Variants in KAZN observed in about 807,000 individuals in gnomAD.
The protein encoded by KAZN is kazrin.
KAZN carries 40 observed loss-of-function variants against 87.4 expected under a neutral mutation model. The ratio of observed to expected loss-of-function variants is 0.46; its 90% CI spans 0.36 to 0.60. The LOEUF (loss-of-function observed/expected upper bound fraction) is 0.60. KAZN is among the 20% of genes least tolerant of loss of function. The probability of loss-of-function intolerance (pLI) is 0.00; values close to 1 mark genes in which losing one functional copy is unlikely to be tolerated. For missense variants in KAZN, 898 were observed against 1,073.9 expected (o/e 0.84, Z 2.29); for synonymous variants, 466 against 458.3 (o/e 1.02, Z -0.22).
intron 1 of KAZN, among the ~76,000 whole-genome samples, chr1:14,928,527 A>C (rs1434593374): frequency 1.3e-5 from 2 of 152,194 alleles, no homozygotes; most frequent in Non-Finnish European, 2.9e-5. Flanking sequence ...TCCTTAAAAA[A>C]AAAGTTTGTC....
intron 2 of KAZN, among the ~76,000 whole-genome samples, chr1:14,399,110 C>T (rs1052501921): frequency 4.6e-5 from 7 of 152,130 alleles, no homozygotes; most frequent in Admixed American, 6.5e-5. Flanking sequence ...ACTGCAGCCT[C>T]GATCTCCTGA....
chr1:14,637,706 A>G (rs75226648), intron 1 of KAZN, among the ~76,000 whole-genome samples: 7,654 of 152,226 alleles, frequency 0.05, 243 homozygotes, highest in Middle Eastern at 0.071. Flanking sequence ...ACTGTCCTGC[A>G]TAAATATATG....
intron 2 of KAZN, among the ~76,000 whole-genome samples, chr1:14,356,991 C>T (rs1433500506): frequency 1.3e-5 from 2 of 152,118 alleles, no homozygotes; most frequent in African/African-American, 4.8e-5. Flanking sequence ...ATAGGGATAG[C>T]ATTGAATCTA....
At chr1:14,324,482 G>A (rs568906988) in intron 2 of KAZN, among the ~76,000 whole-genome samples, 1 of 152,298 alleles carries the variant, frequency 6.6e-6, no homozygotes, top group African/African-American at 2.4e-5. Flanking sequence ...CATCTGAAAT[G>A]ACTCCAGTAT....
chr1:14,271,713 C>G (rs970135973), intron 2 of KAZN, among the ~76,000 whole-genome samples: 1 of 152,174 alleles, frequency 6.6e-6, no homozygotes, highest in African/African-American at 2.4e-5. Context: ...AATCTTAATT[C>G]TAATTCTCAA....
intron 2 of KAZN, among the ~76,000 whole-genome samples, chr1:14,399,596 G>GGC: frequency 6.6e-6 from 1 of 152,164 alleles, no homozygotes; most frequent in East Asian, 1.9e-4. Context: ...GCGTGTACTG[G>GGC]GTTTAGTCAC....
intron 2 of KAZN, among the ~76,000 whole-genome samples, chr1:14,531,235 G>C (rs1482204349): frequency 6.6e-6 from 1 of 152,170 alleles, no homozygotes; most frequent in Admixed American, 6.5e-5. Flanking sequence ...AAACTTCTAT[G>C]AGCAGATCCA....
chr1:14,488,405 A>G (rs1454468484), intron 2 of KAZN, among the ~76,000 whole-genome samples: 1 of 152,188 alleles, frequency 6.6e-6, no homozygotes, highest in Admixed American at 6.5e-5. Flanking sequence ...ACTCTGTAGG[A>G]AAAATGAGTA....
At chr1:14,919,046 C>T (rs1025061124) in intron 1 of KAZN, among the ~76,000 whole-genome samples, 3 of 152,064 alleles carry the variant, frequency 2.0e-5, no homozygotes, top group Non-Finnish European at 4.4e-5. Flanking sequence ...AACATACCCA[C>T]GCAACTACCA....
In KAZN at chr1:14,511,179, C is replaced by T. The variant is rs181762000; in HGVS notation, c.250-87804C>T. ...TCATTTCCACTCACTCTGTTGGAAA[C>T]CAGAAATAGCAGACAGCTGAGACTC... On this transcript the variant is annotated intron_variant, in intron 2 of 16. Coordinates refer to the KAZN transcript ENST00000636203. Among the ~76,000 whole-genome samples the T allele has an allele frequency of 2.9e-4, 44 of 152,210 alleles. No individual in the cohort carries two copies. In the East Asian group the frequency reaches 7.7e-3, roughly 27 times the overall value.
chr1:14,380,975 TGA>T (rs1478252163), intron 2 of KAZN, among the ~76,000 whole-genome samples: 4 of 152,040 alleles, frequency 2.6e-5, no homozygotes, highest in Non-Finnish European at 5.9e-5. Flanking sequence ...CTAAAAGTAG[TGA>T]GAGAAAATAA....
rs1001624237 is a variant in KAZN, at chr1:14,780,923, G to T, written c.227-179761G>T. 2.0e-5 allele frequency among the ~76,000 whole-genome samples: 3 copies of T among 152,218 alleles called. No individual in the cohort carries two copies. In the East Asian group the frequency reaches 5.8e-4, roughly 29 times the overall value. ...GAAGAAGCAGAGGATTCGGTGTTCG[G>T]AAACAGCAAAATCCCTTCTGCACTT... On this transcript the variant is annotated intron_variant, in intron 1 of 14. Coordinates refer to ENST00000376030, the MANE Select transcript of KAZN (RefSeq NM_201628.3).
At chr1:14,723,750 C>T (rs1239590561) in intron 1 of KAZN, among the ~76,000 whole-genome samples, 1 of 152,154 alleles carries the variant, frequency 6.6e-6, no homozygotes, top group Non-Finnish European at 1.5e-5. Context: ...GAGTGTGGCT[C>T]CTGATCCCAA....
chr1:14,727,303 C>T (rs937767738), intron 1 of KAZN, among the ~76,000 whole-genome samples: 44 of 152,108 alleles, frequency 2.9e-4, no homozygotes, highest in African/African-American at 1.0e-3. Flanking sequence ...CCAGTGTCCC[C>T]GGCCCCTCCT....
At chr1:14,365,167 C>T (rs12568579) in intron 2 of KAZN, among the ~76,000 whole-genome samples, 1 of 151,912 alleles carries the variant, frequency 6.6e-6, no homozygotes, top group East Asian at 1.9e-4. Flanking sequence ...CCTCAGCCTC[C>T]CGAGTAGCTG....
chr1:14,140,718 C>G (rs948108901), intron 1 of KAZN, among the ~76,000 whole-genome samples: 3 of 152,114 alleles, frequency 2.0e-5, no homozygotes, highest in Non-Finnish European at 4.4e-5. Flanking sequence ...CCTGCCTCCC[C>G]CACGAACCCC....
chr1:14,228,703 T>C (rs1349655155), intron 2 of KAZN, among the ~76,000 whole-genome samples: 1 of 152,168 alleles, frequency 6.6e-6, no homozygotes, highest in East Asian at 1.9e-4. Context: ...GGGTGGAGAA[T>C]AAAGGCAAAG....
intron 2 of KAZN, among the ~76,000 whole-genome samples, chr1:14,377,800 TTCATTCTGCCAGC>T (rs1661035281): frequency 6.6e-6 from 1 of 152,224 alleles, no homozygotes; most frequent in African/African-American, 2.4e-5. Context: ...TTCGGCACTA[TTCATTCTGCCAGC>T]TCATTCTTTG....
At chr1:14,734,894 C>A (rs867898313) in intron 1 of KAZN, among the ~76,000 whole-genome samples, 1 of 152,308 alleles carries the variant, frequency 6.6e-6, no homozygotes, top group East Asian at 1.9e-4. Context: ...ACTTTTAGTT[C>A]CGCCTCCTTT....
Sources: allele counts gnomAD v4.1 joint callset (sites outside exome capture counted in the v4.1 genomes callset), GRCh38; gene constraint gnomAD v4.1.1; transcripts MANE v1.5; gene names NCBI Gene and HGNC (gene_info 2026-07-23, HGNC 2026-07-21).